AMBRA1: variants seen among roughly 807,000 people sequenced by gnomAD.
The protein encoded by AMBRA1 is autophagy and beclin 1 regulator 1.
AMBRA1 carries 47 observed loss-of-function variants against 125.4 expected under a neutral mutation model. That is an observed-to-expected ratio of 0.37 (90% CI 0.30 to 0.48). The LOEUF is 0.48. Among genes scored for constraint, AMBRA1 ranks in the 20% least tolerant of loss-of-function variants. The pLI, the probability that AMBRA1 is intolerant of heterozygous loss-of-function variation, is 0.99. For missense variants in AMBRA1, 1,331 were observed against 1,693.4 expected (o/e 0.79, Z 3.76); for synonymous variants, 626 against 655.5 (o/e 0.95, Z 0.69).
intron 12 of AMBRA1, among the ~76,000 whole-genome samples, chr11:46,439,725 A>G (rs1412052914): frequency 3.3e-5 from 5 of 152,214 alleles, no homozygotes; most frequent in Admixed American, 6.5e-5. Flanking sequence ...AGCTCCTATT[A>G]TAAGTTAATT....
At chr11:46,452,127 C>T (rs1349966251) in intron 11 of AMBRA1, among the ~76,000 whole-genome samples, 4 of 151,816 alleles carry the variant, frequency 2.6e-5, no homozygotes, top group Admixed American at 2.6e-4. Flanking sequence ...CTCAATAATG[C>T]TGTTATTAAG....
At chr11:46,520,004 T>G (rs1294362323) in intron 7 of AMBRA1, among the ~76,000 whole-genome samples, 1 of 152,080 alleles carries the variant, frequency 6.6e-6, no homozygotes, top group Non-Finnish European at 1.5e-5. Context: ...CCAGGCATGG[T>G]GGCGCATGCC....
At chr11:46,505,667 CA>C (rs974677171) in intron 9 of AMBRA1, among the ~76,000 whole-genome samples, 7 of 101,436 alleles carry the variant, frequency 6.9e-5, no homozygotes, top group African/African-American at 2.8e-4. Context: ...ATGCTAAAGC[CA>C]GGGGAGGGGG....
chr11:46,525,522 A>G (rs556403018), intron 7 of AMBRA1, among the ~76,000 whole-genome samples: 1 of 152,248 alleles, frequency 6.6e-6, no homozygotes, highest in East Asian at 1.9e-4. Context: ...AGGCAGGTAG[A>G]TCAAGATCAC....
intron 16 of AMBRA1, among the ~76,000 whole-genome samples, chr11:46,409,164 G>C (rs1565126012): frequency 6.6e-6 from 1 of 151,862 alleles, no homozygotes; most frequent in Non-Finnish European, 1.5e-5. Flanking sequence ...TCTTGAATTT[G>C]CAAGTGAACT....
intron 9 of AMBRA1, among the ~76,000 whole-genome samples, 163 bp downstream of exon 9, chr11:46,508,027 TG>T (rs1951122989): frequency 6.6e-6 from 1 of 152,222 alleles, no homozygotes; most frequent in African/African-American, 2.4e-5. Flanking sequence ...GGGAGTGCTC[TG>T]GGCATCTTAA....
At chr11:46,513,882 CT>C (rs776154052) in intron 7 of AMBRA1, among the ~76,000 whole-genome samples, 1,978 of 140,636 alleles carry the variant, frequency 0.014, 7 homozygotes, top group Middle Eastern at 0.018. Flanking sequence ...TTAGCTACAA[CT>C]TTTTTTTTTT....
intron 8 of AMBRA1, among the ~76,000 whole-genome samples, chr11:46,511,030 C>T (rs556759470): frequency 7.4e-4 from 112 of 152,224 alleles, no homozygotes; most frequent in African/African-American, 2.6e-3. Context: ...ACCAACACCA[C>T]GAAGTATGAC....
At chr11:46,506,263 GAGA>G (rs1009281583) in intron 9 of AMBRA1, among the ~76,000 whole-genome samples, 2 of 152,194 alleles carry the variant, frequency 1.3e-5, no homozygotes, top group African/African-American at 4.8e-5. Context: ...GTTGACAAGA[GAGA>G]ACCATGACCT....
chr11:46,508,412 G>A, intron 8 of AMBRA1, 42 bp from the exon 9 acceptor site: 1 of 1,589,458 alleles, frequency 6.3e-7, no homozygotes, highest in East Asian at 2.3e-5. Flanking sequence ...TAGCACTAAT[G>A]TGGGGAATAC....
chr11:46,433,531 G>A lies in AMBRA1; in HGVS notation c.2919C>T (p.His973=), dbSNP rs1947554482. 1 of 1,614,188 alleles carries A rather than the reference G, an allele frequency of 6.2e-7. No homozygotes were observed. The highest frequency in any genetic ancestry group is 1.1e-5 in the South Asian group (1 of 91,086). The change falls in exon 14 of 18, where the codon CAC becomes CAT. Residue 973 remains histidine, a synonymous_variant. Transcript: ENST00000683756. The stretch of plus-strand genomic sequence containing the variant: ...GCAGCCTGAAGACCTGGGCCACCAT[G>A]TGCTCTGTGGAGGGGTGCAGCAGGA... ...RRILLHPSTE[H]MVAQVFRLQQ... is the part of the protein sequence containing the mutation.
intron 11 of AMBRA1, among the ~76,000 whole-genome samples, chr11:46,473,642 A>G (rs1265827726): frequency 6.6e-6 from 1 of 152,198 alleles, no homozygotes; most frequent in Non-Finnish European, 1.5e-5. Flanking sequence ...GGATCCTTTA[A>G]GGATTCTTTT....
At chr11:46,507,359 G>C (rs1216295222) in intron 9 of AMBRA1, among the ~76,000 whole-genome samples, 1 of 151,008 alleles carries the variant, frequency 6.6e-6, no homozygotes, top group Non-Finnish European at 1.5e-5. Flanking sequence ...GGCGCCTGTA[G>C]TCCCAGCTAC....
intron 11 of AMBRA1, among the ~76,000 whole-genome samples, chr11:46,493,314 T>G (rs1950529229): frequency 1.3e-5 from 2 of 152,110 alleles, no homozygotes; most frequent in South Asian, 2.1e-4. Context: ...ATCATTCAAT[T>G]AAAAGCATAG....
intron 1 of AMBRA1, among the ~76,000 whole-genome samples, chr11:46,566,614 C>T (rs963857948): frequency 6.6e-6 from 1 of 152,064 alleles, no homozygotes; most frequent in African/African-American, 2.4e-5. Flanking sequence ...GATTGAGCTA[C>T]CTAACCCCTG....
At chr11:46,463,086 T>C (rs1186844748) in intron 11 of AMBRA1, among the ~76,000 whole-genome samples, 1 of 152,222 alleles carries the variant, frequency 6.6e-6, no homozygotes, top group Non-Finnish European at 1.5e-5. Context: ...TCTTTTCTAA[T>C]CTCACTAACC....
At chr11:46,496,972 C>A (rs1396653594) in intron 9 of AMBRA1, among the ~76,000 whole-genome samples, 1 of 151,866 alleles carries the variant, frequency 6.6e-6, no homozygotes, top group Non-Finnish European at 1.5e-5. Flanking sequence ...ATTAGCCAGA[C>A]GTGATGGCGA....
At chr11:46,580,790 CTGT>C (rs2044142197) in intron 1 of AMBRA1, among the ~76,000 whole-genome samples, 1 of 152,036 alleles carries the variant, frequency 6.6e-6, no homozygotes, top group South Asian at 2.1e-4. Flanking sequence ...TGGGGTGTTG[CTGT>C]TGTTATTGTT....
intron 14 of AMBRA1, among the ~76,000 whole-genome samples, chr11:46,428,008 CAAAAAA>C (rs57618324): frequency 1.4e-3 from 86 of 63,376 alleles, no homozygotes; most frequent in South Asian, 4.6e-3. Flanking sequence ...GACTCCATGT[CAAAAAA>C]AAAAAAAAAA....
Sources: allele counts gnomAD v4.1 joint callset (sites outside exome capture counted in the v4.1 genomes callset), GRCh38; gene constraint gnomAD v4.1.1; transcripts MANE v1.5; gene names NCBI Gene and HGNC (gene_info 2026-07-23, HGNC 2026-07-21).